KIAA0753: variants seen among roughly 807,000 people sequenced by gnomAD.
KIAA0753 encodes the protein protein moonraker.
Under a neutral mutation model 116.9 loss-of-function variants are expected in KIAA0753, and 114 were observed. That is an observed-to-expected ratio of 0.98 (90% CI 0.84 to 1.14). The LOEUF (loss-of-function observed/expected upper bound fraction) is 1.14. KIAA0753 is among the 50% of genes most tolerant of loss of function. KIAA0753 has a pLI of 0.00. For missense variants in KIAA0753, 1,156 were observed against 1,172.4 expected (o/e 0.99, Z 0.20); for synonymous variants, 405 against 413.1 (o/e 0.98, Z 0.24).
chr17:6,590,675 G>T (rs768729723), intron 16 of KIAA0753, 45 bp from the exon 17 acceptor site: 2 of 1,608,442 alleles, frequency 1.2e-6, no homozygotes, highest in Non-Finnish European at 1.7e-6. Flanking sequence ...AAGAACAGTT[G>T]GTGTCCATTT....
At chr17:6,611,771 G>T in intron 8 of KIAA0753, 148 bp downstream of exon 8, 2 of 640,456 alleles carry the variant, frequency 3.1e-6, no homozygotes, top group Non-Finnish European at 5.5e-6. Flanking sequence ...TTATTTTTTT[G>T]TTAAAATATA....
At chr17:6,614,266 T>TACTC (rs1970733654) in intron 7 of KIAA0753, among the ~76,000 whole-genome samples, 1 of 152,158 alleles carries the variant, frequency 6.6e-6, no homozygotes, top group Non-Finnish European at 1.5e-5. Context: ...CCTAGGTATA[T>TACTC]ACTCAGGCTA....
chr17:6,636,362 G>C (rs542362139), intron 1 of KIAA0753: 41 of 152,178 alleles, frequency 2.7e-4, no homozygotes, highest in African/African-American at 8.7e-4. Flanking sequence ...TGCAGAAATG[G>C]GGCCCGGAGA....
chr17:6,580,899 T>TACACACATACAC (rs1555521186), intron 18 of KIAA0753, among the ~76,000 whole-genome samples: 2 of 143,946 alleles, frequency 1.4e-5, no homozygotes, highest in African/African-American at 5.4e-5. Flanking sequence ...TGCTCCTCTG[T>TACACACATACAC]ACACACACAC....
chr17:6,608,245 AT>A, intron 10 of KIAA0753, 102 bp downstream of exon 10: 1 of 507,118 alleles, frequency 2.0e-6, no homozygotes, highest in South Asian at 6.0e-5. Context: ...TACATTTTAA[AT>A]AACCAACTTT....
At chr17:6,595,182 T>C (rs1969379435) in intron 15 of KIAA0753, 129 bp from the exon 16 acceptor site, 3 of 647,132 alleles carry the variant, frequency 4.6e-6, no homozygotes, top group Non-Finnish European at 8.2e-6. Context: ...TGGGCACCTG[T>C]CAGGCCAGGA....
chr17:6,607,035 G>T, intron 11 of KIAA0753, 73 bp from the exon 12 acceptor site: 1 of 1,488,700 alleles, frequency 6.7e-7, no homozygotes, highest in Non-Finnish European at 9.4e-7. Context: ...CTCCAGTCTT[G>T]GCTCCCCCCT....
intron 8 of KIAA0753, among the ~76,000 whole-genome samples, 170 bp from the exon 9 acceptor site, chr17:6,610,330 G>C (rs574045785): frequency 4.0e-4 from 35 of 87,924 alleles, no homozygotes; most frequent in African/African-American, 1.9e-3. Flanking sequence ...AAATTTCATT[G>C]AAACAACCAT....
intron 12 of KIAA0753, 40 bp downstream of exon 12, chr17:6,606,833 G>A (rs1970224827): frequency 6.5e-7 from 1 of 1,548,702 alleles, no homozygotes. Context: ...AATTAGAACA[G>A]GCAAACATCC....
intron 2 of KIAA0753, among the ~76,000 whole-genome samples, chr17:6,633,668 C>T (rs1434955930): frequency 6.6e-6 from 1 of 152,030 alleles, no homozygotes; most frequent in African/African-American, 2.4e-5. Context: ...GATAAACAAA[C>T]TGTGGTATAC....
At position 6,580,316 on chromosome 17, in the gene KIAA0753, C is replaced by CT. The variant is rs1555566506; in HGVS notation, c.2787-453dup. Among the ~76,000 whole-genome samples the CT allele has an allele frequency of 7.1e-3, 996 of 139,322 alleles. 4 individuals are homozygous for CT. Among genetic ancestry groups the CT allele is most frequent in the African/African-American group, 0.013 (485 of 37,954 alleles). 91.4% of individuals were successfully genotyped at this position (139,322 alleles called of 152,430 possible). A position where few individuals can be genotyped will look rare whatever the true frequency, so the allele number is the denominator to read the frequency against. The stretch of plus-strand genomic sequence containing the variant: ...CAGAAGGCCAAGAACAGCCAAGATA[C>CT]TTTTTTTTTTTTTTTTGAGACGGAG... On this transcript the variant is annotated intron_variant, in intron 18 of 18. Coordinates refer to ENST00000361413, the MANE Select transcript of KIAA0753 (RefSeq NM_014804.3).
At chr17:6,580,119 G>A (rs1405763415) in intron 18 of KIAA0753, among the ~76,000 whole-genome samples, 1 of 151,820 alleles carries the variant, frequency 6.6e-6, no homozygotes, top group African/African-American at 2.4e-5. Context: ...CTGGGAGGTG[G>A]AGATTGCAGT....
intron 16 of KIAA0753, among the ~76,000 whole-genome samples, chr17:6,593,207 G>T (rs186049674): frequency 6.6e-6 from 1 of 152,240 alleles, no homozygotes; most frequent in Non-Finnish European, 1.5e-5. Context: ...GATTTTGGAC[G>T]CTTCACAAGG....
At chr17:6,580,899 TACACAC>T (rs33914667) in intron 18 of KIAA0753, among the ~76,000 whole-genome samples, 29 of 144,030 alleles carry the variant, frequency 2.0e-4, no homozygotes, top group South Asian at 1.6e-3. Flanking sequence ...TGCTCCTCTG[TACACAC>T]ACACACACAC....
intron 12 of KIAA0753, among the ~76,000 whole-genome samples, chr17:6,606,045 G>A (rs1426573317): frequency 6.6e-6 from 1 of 152,168 alleles, no homozygotes; most frequent in Admixed American, 6.5e-5. Flanking sequence ...CCCTCTGACA[G>A]TAGTGACTAT....
Position 6,590,548 on chromosome 17 carries a change from T to C in KIAA0753, c.2523A>G (p.Pro841=). The change falls in exon 17 of 19, where the codon CCA becomes CCG. Residue 841 remains proline, a synonymous_variant. Transcript: ENST00000361413. ...RITKTVDRKD[P]AVNIMLERPC... is the part of the protein sequence containing the mutation. Reference sequence around the variant, plus strand: ...GCCTTTCTAACATGATGTTCACGGCTGGATCCTTGCGATCCACTGTCTTCG... The same window carrying C: ...GCCTTTCTAACATGATGTTCACGGCCGGATCCTTGCGATCCACTGTCTTCG... The C allele has an allele frequency of 6.2e-7, 1 of 1,614,122 alleles. No individual in the cohort carries two copies.
intron 16 of KIAA0753, among the ~76,000 whole-genome samples, chr17:6,591,220 G>C (rs776576348): frequency 3.9e-5 from 6 of 152,326 alleles, no homozygotes; most frequent in South Asian, 2.1e-4. Context: ...TAACTTGCAG[G>C]CTTGACAGCT....
At chr17:6,629,345 A>G (rs929397867) in intron 2 of KIAA0753, among the ~76,000 whole-genome samples, 3 of 152,206 alleles carry the variant, frequency 2.0e-5, no homozygotes, top group Non-Finnish European at 2.9e-5. Context: ...ACATGTTTCT[A>G]TATCCCTACA....
intron 1 of KIAA0753, chr17:6,636,223 T>C (rs1282658150): frequency 6.6e-6 from 1 of 152,128 alleles, no homozygotes; most frequent in African/African-American, 2.4e-5. Flanking sequence ...AAGACAGCTG[T>C]CTAAGAGTCC....
Sources: gnomAD v4.1 joint callset for allele counts (sites outside exome capture counted in the v4.1 genomes callset) on GRCh38, gnomAD v4.1.1 for gene constraint, MANE v1.5 for transcripts, NCBI Gene and HGNC (gene_info 2026-07-23, HGNC 2026-07-21) for gene names.